Variants in NR1H4 observed in about 807,000 individuals in gnomAD.
NR1H4 encodes the protein bile acid receptor.
A neutral mutation model predicts 58.5 loss-of-function variants in NR1H4; 23 were observed. The observed-to-expected ratio is 0.39, with a 90% CI of 0.28 to 0.56. NR1H4 has a LOEUF of 0.56. NR1H4 is among the 20% of genes least tolerant of loss of function. The pLI, the probability that NR1H4 is intolerant of heterozygous loss-of-function variation, is 0.58. For synonymous variants in NR1H4, 214 were observed against 198.0 expected, an observed-to-expected ratio of 1.08 and a Z score of -0.68; for missense variants, 487 against 576.9, an observed-to-expected ratio of 0.84 and a Z score of 1.60.
intron 4 of NR1H4, among the ~76,000 whole-genome samples, chr12:100,527,752 T>G (rs1954596697): frequency 6.6e-6 from 1 of 152,196 alleles, no homozygotes; most frequent in African/African-American, 2.4e-5. Context: ...TGGTGTTTGG[T>G]TTTTTGTCCT....
At chr12:100,490,352 A>G (rs1953580487) in intron 1 of NR1H4, among the ~76,000 whole-genome samples, 1 of 152,200 alleles carries the variant, frequency 6.6e-6, no homozygotes, top group South Asian at 2.1e-4. Flanking sequence ...GTTAAAAAAG[A>G]CAGATGTGAG....
At chr12:100,512,646 A>C (rs989764349) in intron 4 of NR1H4, among the ~76,000 whole-genome samples, 1 of 152,086 alleles carries the variant, frequency 6.6e-6, no homozygotes, top group Non-Finnish European at 1.5e-5. Flanking sequence ...GTCTCCAAAA[A>C]AAAAAAAAGA....
chr12:100,475,472 C>T (rs1315366517), intron 1 of NR1H4, among the ~76,000 whole-genome samples: 1 of 152,166 alleles, frequency 6.6e-6, no homozygotes, highest in Admixed American at 6.5e-5. Flanking sequence ...CGTACCTCTG[C>T]CCTCTCCTCA....
At chr12:100,529,581 C>A (rs140644635) in intron 4 of NR1H4, among the ~76,000 whole-genome samples, 128 of 152,322 alleles carry the variant, frequency 8.4e-4, no homozygotes, top group Non-Finnish European at 1.4e-3. Context: ...CAACCGCCAC[C>A]AAGATGGAGT....
rs1473596165 is a variant in NR1H4 at position 100,563,485 on chromosome 12, A to G, written c.1427A>G (p.Gln476Arg). Reference protein sequence around the residue: ...TPLLCEIWDVQ With the variant: ...TPLLCEIWDVR The stretch of plus-strand genomic sequence containing the variant: ...CTTCTCTGTGAAATCTGGGACGTGC[A>G]GTGATGGGGATTACAGGGGAGGGGT... The change falls in exon 11 of 11, where the codon CAG becomes CGG. Residue 476 changes from glutamine (Q) to arginine (R), a missense_variant. Physicochemically the swap from Gln to Arg is conservative, Grantham distance 43. Coordinates refer to ENST00000392986, the MANE Select transcript of NR1H4 (RefSeq NM_001206979.2). 6.2e-7 allele frequency: 1 copy of G among 1,611,670 alleles called. No individual in the cohort carries two copies. The highest frequency in any genetic ancestry group is 1.3e-5 in the African/African-American group (1 of 74,900).
intron 1 of NR1H4, among the ~76,000 whole-genome samples, chr12:100,486,764 C>A (rs1953500493): frequency 6.6e-6 from 1 of 151,664 alleles, no homozygotes; most frequent in African/African-American, 2.4e-5. Flanking sequence ...TAAAGAAGCA[C>A]TATGAACCAA....
chr12:100,547,967 G>C (rs1339704199), intron 9 of NR1H4, among the ~76,000 whole-genome samples: 6 of 150,804 alleles, frequency 4.0e-5, no homozygotes, highest in Admixed American at 1.3e-4. Flanking sequence ...TGATTCGCCC[G>C]CCTTGGCCTC....
chr12:100,543,269 C>T (rs1241483931), intron 9 of NR1H4, among the ~76,000 whole-genome samples: 1 of 152,062 alleles, frequency 6.6e-6, no homozygotes, highest in African/African-American at 2.4e-5. Context: ...GATTGAGGGC[C>T]TTGGATGCTG....
intron 6 of NR1H4, among the ~76,000 whole-genome samples, chr12:100,535,877 C>G (rs1417982555): frequency 6.6e-6 from 1 of 152,144 alleles, no homozygotes; most frequent in Non-Finnish European, 1.5e-5. Context: ...ATTGTTGACT[C>G]TCTATTTTAG....
At chr12:100,512,735 G>A (rs557937900) in intron 4 of NR1H4, among the ~76,000 whole-genome samples, 13 of 152,018 alleles carry the variant, frequency 8.6e-5, no homozygotes, top group Admixed American at 1.3e-4. Context: ...CAAATATTTT[G>A]GGAACACCTA....
chr12:100,488,263 G>T (rs1334657289), intron 1 of NR1H4, among the ~76,000 whole-genome samples: 1 of 152,164 alleles, frequency 6.6e-6, no homozygotes, highest in Non-Finnish European at 1.5e-5. Flanking sequence ...GCCTCCCAAA[G>T]TGCTGGGATT....
intron 3 of NR1H4, among the ~76,000 whole-genome samples, chr12:100,504,683 C>T (rs531342699): frequency 6.6e-5 from 10 of 152,276 alleles, no homozygotes; most frequent in Middle Eastern, 3.4e-3. Context: ...TACATTCTTT[C>T]AGCTTTGTAA....
intron 1 of NR1H4, among the ~76,000 whole-genome samples, chr12:100,475,349 G>A (rs1953246278): frequency 6.6e-6 from 1 of 152,044 alleles, no homozygotes; most frequent in South Asian, 2.1e-4. Flanking sequence ...TGTTTTCTGA[G>A]GATGTTGCAA....
intron 4 of NR1H4, among the ~76,000 whole-genome samples, chr12:100,529,496 C>T (rs138966778): frequency 6.6e-6 from 1 of 152,282 alleles, no homozygotes; most frequent in Non-Finnish European, 1.5e-5. Context: ...GCTTGGCATT[C>T]AAGGACACTT....
chr12:100,562,057 C>A, intron 10 of NR1H4, 59 bp downstream of exon 10: 1 of 819,334 alleles, frequency 1.2e-6, no homozygotes, highest in South Asian at 1.5e-5. Flanking sequence ...CTAGTAATAA[C>A]GTTTATTGAA....
rs140777777 is a variant in NR1H4 at position 100,553,323 on chromosome 12, T to C, written c.1079-8562T>C. Reference sequence around the variant, plus strand: ...GATTCCCACTCTTATAAAATGTATATGGTATTTCACACTCCAGTGAGAAGG... The same window carrying C: ...GATTCCCACTCTTATAAAATGTATACGGTATTTCACACTCCAGTGAGAAGG... On this transcript the variant is annotated intron_variant, in intron 9 of 10. Transcript: ENST00000392986. Among the ~76,000 whole-genome samples the C allele has an allele frequency of 7.5e-4, 114 of 152,228 alleles. 3 individuals are homozygous for C. In the East Asian group the frequency reaches 0.021, roughly 28 times the overall value.
rs112952196 is a variant in NR1H4 at position 100,509,094 on chromosome 12, T to C, written c.80-1684T>C. ...GATAAGGAACTGTGAATCTGTATCA[T>C]CTCACTCAATCCTCAGACTAACTCT... On this transcript the variant is annotated intron_variant, in intron 3 of 10. Transcript: ENST00000392986. Among the ~76,000 whole-genome samples, 608 of 152,250 alleles carry C rather than the reference T, an allele frequency of 4.0e-3. 4 individuals are homozygous for C. The highest frequency in any genetic ancestry group is 0.01 in the Middle Eastern group (3 of 294).
chr12:100,511,079 T>C lies in NR1H4; in HGVS notation c.381T>C (p.Cys127=). The stretch of plus-strand genomic sequence containing the variant: ...GGAGGATCAAAGGGGATGAGCTGTG[T>C]GTTGTTTGTGGAGACAGAGCCTCTG... ...SAGRIKGDEL[C]VVCGDRASGY... is the part of the protein sequence containing the mutation. The change falls in exon 4 of 11, where the codon TGT becomes TGC. Residue 127 remains cysteine (C), a synonymous_variant. Coordinates refer to ENST00000392986, the MANE Select transcript of NR1H4 (RefSeq NM_001206979.2). The C allele has an allele frequency of 6.2e-7, 1 of 1,614,248 alleles. No homozygotes were observed. Among genetic ancestry groups the C allele is most frequent in the Non-Finnish European group, 8.5e-7 (1 of 1,180,036 alleles).
intron 10 of NR1H4, among the ~76,000 whole-genome samples, chr12:100,562,324 C>A (rs1288048237): frequency 1.3e-5 from 2 of 151,940 alleles, no homozygotes; most frequent in African/African-American, 2.4e-5. Context: ...AATGAAGAAA[C>A]AATATTTTTT....
Sources: gnomAD v4.1 joint callset for allele counts (sites outside exome capture counted in the v4.1 genomes callset) on GRCh38, gnomAD v4.1.1 for gene constraint, MANE v1.5 for transcripts, NCBI Gene and HGNC (gene_info 2026-07-23, HGNC 2026-07-21) for gene names.